The following OPCML variants were observed in gnomAD, a reference collection of about 807,000 sequenced individuals.
OPCML encodes opioid binding protein/cell adhesion molecule like, also known as opioid-binding protein/cell adhesion molecule.
OPCML carries 13 observed loss-of-function variants against 37.8 expected under a neutral mutation model. That is an observed-to-expected ratio of 0.34 (90% CI 0.22 to 0.55). The LOEUF is 0.55. Among genes scored for constraint, OPCML ranks in the 20% least tolerant of loss-of-function variants. The pLI is 0.91. For synonymous variants in OPCML, 176 were observed against 168.8 expected (o/e 1.04, Z -0.33); for missense variants, 341 against 435.6 (o/e 0.78, Z 1.93).
intron 4 of OPCML, among the ~76,000 whole-genome samples, chr11:132,460,599 T>C (rs1724196533): frequency 6.6e-6 from 1 of 152,164 alleles, no homozygotes; most frequent in African/African-American, 2.4e-5. Context: ...GGTATCTTGA[T>C]GGCAAAGAAG....
intron 1 of OPCML, among the ~76,000 whole-genome samples, chr11:133,413,270 T>A (rs1945688586): frequency 6.6e-6 from 1 of 151,008 alleles, no homozygotes; most frequent in Non-Finnish European, 1.5e-5. Context: ...TAGGTGGGAA[T>A]TGAACAATGA....
At chr11:133,336,240 G>A (rs967478552) in intron 1 of OPCML, among the ~76,000 whole-genome samples, 2 of 152,148 alleles carry the variant, frequency 1.3e-5, no homozygotes, top group Non-Finnish European at 2.9e-5. Flanking sequence ...CGTTGGTCTT[G>A]GGATCTGGGG....
intron 2 of OPCML, among the ~76,000 whole-genome samples, chr11:132,693,100 G>A (rs1943467659): frequency 6.6e-6 from 1 of 152,194 alleles, no homozygotes; most frequent in African/African-American, 2.4e-5. Context: ...TTATTTTAGA[G>A]CAGGTTGAAT....
rs527366643 is a variant in OPCML, at chr11:132,597,570, G to A, written c.379+59517C>T. ...CTTCGATCTCCTCAAAGGTTTTGTG[G>A]TAACAATTGACAGTGACTACTGATA... On this transcript the variant is annotated intron_variant, in intron 3 of 7. Coordinates refer to ENST00000524381, the MANE Select transcript of OPCML (RefSeq NM_001012393.5). Among the ~76,000 whole-genome samples the A allele has an allele frequency of 2.2e-4, 33 of 152,282 alleles. 1 individual carries two copies. Among genetic ancestry groups the A allele is most frequent in the African/African-American group, 7.7e-4 (32 of 41,566 alleles).
chr11:133,029,424 G>A (rs1271671503), intron 1 of OPCML, among the ~76,000 whole-genome samples: 1 of 152,200 alleles, frequency 6.6e-6, no homozygotes, highest in African/African-American at 2.4e-5. Flanking sequence ...ACACTTGTAT[G>A]TTCATCACAA....
chr11:133,419,495 T>A (rs1565624416), intron 1 of OPCML: 3 of 199,022 alleles, frequency 1.5e-5, no homozygotes, highest in African/African-American at 7.1e-5. Flanking sequence ...TAAAAGGCAA[T>A]GAATACTCAA....
At chr11:133,031,049 C>T (rs1400380034) in intron 1 of OPCML, among the ~76,000 whole-genome samples, 1 of 152,212 alleles carries the variant, frequency 6.6e-6, no homozygotes, top group Non-Finnish European at 1.5e-5. Flanking sequence ...AAAGGTATCA[C>T]AACCTAGCTC....
chr11:133,016,981 C>T (rs373682940), intron 1 of OPCML, among the ~76,000 whole-genome samples: 2 of 152,158 alleles, frequency 1.3e-5, no homozygotes, highest in Non-Finnish European at 2.9e-5. Context: ...TTTTAACAAG[C>T]TGTAACTTTT....
At chr11:132,515,639 G>A (rs2096278003) in intron 4 of OPCML, among the ~76,000 whole-genome samples, 1 of 152,176 alleles carries the variant, frequency 6.6e-6, no homozygotes, top group African/African-American at 2.4e-5. Context: ...GCCCACTCTA[G>A]TTAAAATCCT....
chr11:132,420,721 G>T (rs2095955575), intron 7 of OPCML, among the ~76,000 whole-genome samples: 1 of 152,166 alleles, frequency 6.6e-6, no homozygotes, highest in Admixed American at 6.5e-5. Flanking sequence ...GGGTAGGAAG[G>T]GGAGACGGAT....
At chr11:132,918,267 T>C (rs1332297217) in intron 2 of OPCML, among the ~76,000 whole-genome samples, 1 of 152,202 alleles carries the variant, frequency 6.6e-6, no homozygotes, top group Non-Finnish European at 1.5e-5. Context: ...AGGGCACTGA[T>C]CTTAAGACTG....
chr11:133,185,251 T>TA (rs1458438338), intron 1 of OPCML, among the ~76,000 whole-genome samples: 1 of 152,238 alleles, frequency 6.6e-6, no homozygotes, highest in Non-Finnish European at 1.5e-5. Flanking sequence ...TACATTAGGA[T>TA]AATCATTGTC....
chr11:132,909,816 C>T (rs1944363233), intron 2 of OPCML, among the ~76,000 whole-genome samples: 1 of 152,174 alleles, frequency 6.6e-6, no homozygotes, highest in Non-Finnish European at 1.5e-5. Flanking sequence ...ATTGCTTCTG[C>T]CTCACTTGCC....
chr11:133,375,278 T>C (rs1432692697), intron 1 of OPCML, among the ~76,000 whole-genome samples: 1 of 152,246 alleles, frequency 6.6e-6, no homozygotes, highest in Non-Finnish European at 1.5e-5. Context: ...TACATAAGTA[T>C]ATACCACTCC....
chr11:132,828,909 A>G (rs1940523766), intron 2 of OPCML, among the ~76,000 whole-genome samples: 1 of 152,226 alleles, frequency 6.6e-6, no homozygotes, highest in East Asian at 1.9e-4. Flanking sequence ...TGTTGAAGAC[A>G]GTAGGTGCCT....
In OPCML at chr11:133,140,789, A is replaced by ACG. The variant is rs1352365926; in HGVS notation, c.62-197780_62-197779insCG. On this transcript the variant is annotated intron_variant, in intron 1 of 7. Transcript: ENST00000524381. ...GAAGAAGAAGAAGAAGAAGACGACG[A>ACG]AGAAGAAGAAGAAGAAGACGACGAC... Among the ~76,000 whole-genome samples the ACG allele has an allele frequency of 4.6e-4, 59 of 127,666 alleles. 2 individuals carry two copies. Among genetic ancestry groups the ACG allele is most frequent in the African/African-American group, 8.3e-4 (27 of 32,510 alleles). The allele number at this position is 127,666 out of a possible 152,430, so 83.8% of individuals were successfully genotyped here.
At chr11:132,609,450 T>C (rs1270775870) in intron 3 of OPCML, among the ~76,000 whole-genome samples, 1 of 152,062 alleles carries the variant, frequency 6.6e-6, no homozygotes, top group African/African-American at 2.4e-5. Flanking sequence ...CAGCCACAGT[T>C]GTTTCTCTGC....
chr11:133,062,369 C>T (rs1038080078), intron 1 of OPCML, among the ~76,000 whole-genome samples: 8 of 152,228 alleles, frequency 5.3e-5, no homozygotes, highest in African/African-American at 1.4e-4. Flanking sequence ...TAGGCAAAAT[C>T]GGTGTCTTCT....
intron 2 of OPCML, among the ~76,000 whole-genome samples, chr11:132,861,522 T>C (rs1018686217): frequency 7.9e-5 from 12 of 152,222 alleles, no homozygotes; most frequent in African/African-American, 2.7e-4. Context: ...TCTGGCACAG[T>C]GTATGAGATC....
Sources: allele counts gnomAD v4.1 joint callset (sites outside exome capture counted in the v4.1 genomes callset), GRCh38; gene constraint gnomAD v4.1.1; transcripts MANE v1.5; gene names NCBI Gene and HGNC (gene_info 2026-07-23, HGNC 2026-07-21).